Variants in PIEZO1 observed in about 807,000 individuals in gnomAD.
The protein encoded by PIEZO1 is piezo-type mechanosensitive ion channel component 1.
PIEZO1 carries 296 observed loss-of-function variants against 297.2 expected under a neutral mutation model. The observed-to-expected ratio is 1.00, with a 90% CI of 0.91 to 1.10. The LOEUF (loss-of-function observed/expected upper bound fraction) is 1.10. Ranked by LOEUF, PIEZO1 falls within the 50% of genes least tolerant of loss-of-function variation. The probability of loss-of-function intolerance (pLI) is 0.00; values close to 1 mark genes in which losing one functional copy is unlikely to be tolerated. For synonymous variants in PIEZO1, 2,427 were observed against 1,507.5 expected, an observed-to-expected ratio of 1.61 and a Z score of -14.13; for missense variants, 5,018 against 3,455.5, an observed-to-expected ratio of 1.45 and a Z score of -11.34.
chr16:88,721,736 AG>A lies in PIEZO1; in HGVS notation c.5215-11del, dbSNP rs1446904937. ...TGACGACCACCGCGATCTGTGGGGGAGGGGGCTCAGCACGCGGGGAGGGTCA... is the reference window on the plus strand; with the variant it reads ...TGACGACCACCGCGATCTGTGGGGGAGGGGCTCAGCACGCGGGGAGGGTCA... On this transcript the variant is annotated splice_polypyrimidine_tract_variant and intron_variant, in intron 37 of 50. Coordinates refer to ENST00000301015, the MANE Select transcript of PIEZO1 (RefSeq NM_001142864.4). 3 of 1,535,666 alleles carry A rather than the reference AG, an allele frequency of 2.0e-6. No individual in the cohort carries two copies. Among genetic ancestry groups the A allele is most frequent in the Admixed American group, 2.0e-5 (1 of 50,480 alleles).
intron 21 of PIEZO1, 108 bp downstream of exon 21, chr16:88,732,227 C>G (rs148564095): frequency 2.1e-6 from 2 of 969,284 alleles, no homozygotes; most frequent in Non-Finnish European, 3.1e-6. Flanking sequence ...CCTCTGTGGC[C>G]CAGGCAAACC....
At chr16:88,761,406 A>G (rs888021311) in intron 1 of PIEZO1, among the ~76,000 whole-genome samples, 1 of 152,158 alleles carries the variant, frequency 6.6e-6, no homozygotes, top group Non-Finnish European at 1.5e-5. Context: ...GCACCAGGCT[A>G]AGAGTGACTT....
chr16:88,749,462 T>C lies in PIEZO1; in HGVS notation c.82A>G (p.Ser28Gly), dbSNP rs1402955997. ...AGCAGGTAGACCAGCGAGAGTCCGC[T>C]GAAGCGGAGCAGGCAGGCTGCGGGG... ...ALLAACLLRF[S>G]GLSLVYLLFL... Residue 28 changes from serine (S) to glycine (G), a missense_variant, in exon 2 of 51, where the codon AGC becomes GGC. Coordinates refer to ENST00000301015, the MANE Select transcript of PIEZO1 (RefSeq NM_001142864.4). The C allele has an allele frequency of 6.6e-7, 1 of 1,525,602 alleles. No individual in the cohort carries two copies. The highest frequency in any genetic ancestry group is 1.2e-5 in the South Asian group (1 of 82,032). 94.5% of individuals were successfully genotyped at this position (1,525,602 alleles called of 1,614,324 possible).
intron 1 of PIEZO1, among the ~76,000 whole-genome samples, chr16:88,778,768 G>T (rs1907792086): frequency 6.6e-6 from 1 of 152,140 alleles, no homozygotes; most frequent in African/African-American, 2.4e-5. Context: ...CGGTGGGTGT[G>T]CGACCCCACA....
intron 22 of PIEZO1, among the ~76,000 whole-genome samples, chr16:88,728,360 CCA>C (rs1247961661): frequency 5.3e-5 from 8 of 152,226 alleles, no homozygotes; most frequent in Non-Finnish European, 1.0e-4. Flanking sequence ...GCCCCATCTG[CCA>C]CAGAGGGAAC....
intron 1 of PIEZO1, among the ~76,000 whole-genome samples, chr16:88,769,512 C>A (rs1286706089): frequency 1.3e-5 from 2 of 152,216 alleles, no homozygotes; most frequent in African/African-American, 4.8e-5. Context: ...CTGCGGAACG[C>A]CTCGGCAGCA....
At chr16:88,742,496 A>T in intron 2 of PIEZO1, 74 bp from the exon 3 acceptor site, 1 of 1,468,840 alleles carries the variant, frequency 6.8e-7, no homozygotes, top group South Asian at 1.2e-5. Context: ...TCAGCCGGAC[A>T]ATAGCCCCCA....
intron 2 of PIEZO1, chr16:88,743,947 C>G: frequency 1.4e-5 from 4 of 280,892 alleles, no homozygotes; most frequent in East Asian, 9.9e-5. Flanking sequence ...AGCCCCGACA[C>G]GAACAGGAGC....
At chr16:88,764,380 A>G (rs1273929312) in intron 1 of PIEZO1, among the ~76,000 whole-genome samples, 1 of 152,160 alleles carries the variant, frequency 6.6e-6, no homozygotes, top group East Asian at 1.9e-4. Context: ...GCTGAGGTTC[A>G]TCCAAACCCA....
At chr16:88,780,758 C>T (rs1324482172) in intron 1 of PIEZO1, among the ~76,000 whole-genome samples, 1 of 152,190 alleles carries the variant, frequency 6.6e-6, no homozygotes, top group Non-Finnish European at 1.5e-5. Context: ...GTCAGGAGTT[C>T]AAGGCCAGCC....
chr16:88,741,137 T>C, intron 5 of PIEZO1: 1 of 196,210 alleles, frequency 5.1e-6, no homozygotes, highest in Non-Finnish European at 1.0e-5. Context: ...TCAGCCCTTC[T>C]GCAGTGGCTC....
At chr16:88,765,046 G>T (rs1907109151) in intron 1 of PIEZO1, among the ~76,000 whole-genome samples, 1 of 152,236 alleles carries the variant, frequency 6.6e-6, no homozygotes, top group African/African-American at 2.4e-5. Flanking sequence ...CAGCGGTGCT[G>T]GACCCAGGAC....
intron 1 of PIEZO1, among the ~76,000 whole-genome samples, chr16:88,767,671 C>T (rs1336932797): frequency 1.3e-5 from 2 of 152,176 alleles, no homozygotes; most frequent in Admixed American, 1.3e-4. Flanking sequence ...CACTGCTGTC[C>T]CCTGGCTCAG....
In PIEZO1 at chr16:88,716,274, G is replaced by T; in HGVS notation, c.7053C>A (p.Val2351=). The change falls in exon 49 of 51, where the codon GTC becomes GTA. Residue 2351 remains valine (V), a synonymous_variant. Transcript: ENST00000301015. ...TGTACTTGGGGAAGAGATTAGGGAT[G>T]ACCCTGCAGGGAGGTGCTGGCAGGT... ...LLEGTSDQSV[V]IPNLFPKYIR... The T allele has an allele frequency of 6.7e-7, 1 of 1,488,812 alleles. No homozygotes were observed. Among genetic ancestry groups the T allele is most frequent in the South Asian group, 1.4e-5 (1 of 73,898 alleles). The allele number at this position is 1,488,812 out of a possible 1,614,324, so 92.2% of individuals were successfully genotyped here.
intron 5 of PIEZO1, 52 bp downstream of exon 5, chr16:88,741,426 C>T: frequency 6.9e-7 from 1 of 1,451,162 alleles, no homozygotes; most frequent in Non-Finnish European, 9.2e-7. Context: ...ATGGCTGAGA[C>T]CACAGCTCTC....
Position 88,734,639 on chromosome 16 carries a change from C to G in PIEZO1, c.1997+11G>C. ...CGGCGCCCCTGCCCCACCGCCCCAG[C>G]CTGGACTCACTGCTCGTCGGTGAAG... is the stretch of plus-strand genomic sequence containing the variant. On this transcript the variant is annotated intron_variant, in intron 15 of 50. Coordinates refer to ENST00000301015, the MANE Select transcript of PIEZO1 (RefSeq NM_001142864.4). The G allele has an allele frequency of 6.5e-7, 1 of 1,550,150 alleles. No individual in the cohort carries two copies. The highest frequency in any genetic ancestry group is 1.2e-5 in the South Asian group (1 of 84,064).
rs1489757892 is a variant in PIEZO1 at position 88,733,970 on chromosome 16, C to T, written c.2265G>A (p.Glu755=). ...CCAGCCCCTCGTCCCTGGAGTCCTC[C>T]TCCTCCTCCTCCTCCTCCTGCTGCT... ...QQQQQEEEEE[E]EDSRDEGLGV... is the part of the protein sequence containing the mutation. Residue 755 remains glutamate (E), a synonymous_variant, in exon 17 of 51, where the codon GAG becomes GAA. Transcript: ENST00000301015. 2 of 1,534,956 alleles carry T rather than the reference C, an allele frequency of 1.3e-6. No individual in the cohort carries two copies. Among genetic ancestry groups the T allele is most frequent in the East Asian group, 2.5e-5 (1 of 40,646 alleles).
At chr16:88,724,957 G>A (rs563561563) in intron 30 of PIEZO1, 52 bp downstream of exon 30, 5 of 1,148,934 alleles carry the variant, frequency 4.4e-6, no homozygotes, top group Non-Finnish European at 6.0e-6. Context: ...GAGGACAGAT[G>A]GGGGCACAGA....
At chr16:88,751,104 G>A (rs1028628679) in intron 1 of PIEZO1, among the ~76,000 whole-genome samples, 15 of 152,146 alleles carry the variant, frequency 9.9e-5, no homozygotes, top group African/African-American at 3.6e-4. Flanking sequence ...GAAGTCTTCT[G>A]GAGGGAGGCC....
Sources: gnomAD v4.1 joint callset for allele counts (sites outside exome capture counted in the v4.1 genomes callset) on GRCh38, gnomAD v4.1.1 for gene constraint, MANE v1.5 for transcripts, NCBI Gene and HGNC (gene_info 2026-07-23, HGNC 2026-07-21) for gene names.